TCHP: variants seen among roughly 807,000 people sequenced by gnomAD.
TCHP encodes the protein trichoplein keratin filament binding.
Under a neutral mutation model 88.7 loss-of-function variants are expected in TCHP, and 81 were observed. That is an observed-to-expected ratio of 0.91 (90% CI 0.76 to 1.10). TCHP has a LOEUF of 1.10. TCHP is among the 50% of genes least tolerant of loss of function. The pLI is 0.00. For synonymous variants in TCHP, 232 were observed against 232.5 expected, an observed-to-expected ratio of 1.00 and a Z score of 0.02; for missense variants, 641 against 632.1, an observed-to-expected ratio of 1.01 and a Z score of -0.15.
At chr12:109,897,655 G>A (rs1306990695), upstream of TCHP, among the ~76,000 whole-genome samples, 4 of 151,820 alleles carry the variant, frequency 2.6e-5, no homozygotes, top group African/African-American at 9.7e-5. Flanking sequence ...CTGCCACCTG[G>A]GTTCAAGTGA....
intron 10 of TCHP, 77 bp downstream of exon 10, chr12:109,913,149 G>C: frequency 5.2e-6 from 7 of 1,346,462 alleles, no homozygotes; most frequent in South Asian, 1.2e-5. Context: ...CAGTCACCCT[G>C]CCAGATGCTC....
chr12:109,903,353 ATGG>A lies in TCHP; in HGVS notation c.188+140_188+142del. 4 of 769,342 alleles carry A rather than the reference ATGG, an allele frequency of 5.2e-6. No homozygotes were observed. Among genetic ancestry groups the A allele is most frequent in the African/African-American group, 1.7e-5 (1 of 57,496 alleles). 47.7% of individuals were successfully genotyped at this position (769,342 alleles called of 1,614,324 possible). A position where few individuals can be genotyped will look rare whatever the true frequency, so the allele number is the denominator to read the frequency against. ...CATGGTGATGTTTTTCCAGCTGGAA[ATGG>A]AAAAAAAGATCATCAGTGCAGCCAT... On this transcript the variant is annotated intron_variant, in intron 2 of 12. Coordinates refer to ENST00000405876, the MANE Select transcript of TCHP (RefSeq NM_001143852.2). The surrounding 1 kb of genome is among the most constrained non-coding windows in gnomAD (Gnocchi z 4.6).
At chr12:109,883,141 C>A in the TCHP span, among the ~76,000 whole-genome samples, 1 of 149,846 alleles carries the variant, frequency 6.7e-6, no homozygotes, top group Non-Finnish European at 1.5e-5. Flanking sequence ...TCAAGGGATT[C>A]TCCCGCCTCA....
At chr12:109,912,679 T>C (rs1261046847) in intron 9 of TCHP, among the ~76,000 whole-genome samples, 9 of 152,060 alleles carry the variant, frequency 5.9e-5, no homozygotes, top group Non-Finnish European at 1.0e-4. Flanking sequence ...TAATCCCAGC[T>C]ACTCAGGAGA....
chr12:109,887,409 CAA>C, the TCHP span, among the ~76,000 whole-genome samples: 2 of 80,124 alleles, frequency 2.5e-5, no homozygotes. Context: ...GGCTCTGTCT[CAA>C]AAAAAAAAAA....
chr12:109,886,804 G>A, the TCHP span, among the ~76,000 whole-genome samples: 1 of 151,988 alleles, frequency 6.6e-6, no homozygotes, highest in African/African-American at 2.4e-5. Context: ...CACCTCCCGG[G>A]TTCAAGCAAT....
At position 109,907,401 on chromosome 12, in the gene TCHP, C is replaced by T. The variant is rs1870202044; in HGVS notation, c.526-125C>T. ...CCCTCCCTGACTTGGCGTCTGAGGG[C>T]GTTGTCATTTGGGATTCAGGCAGGA... On this transcript the variant is annotated intron_variant, in intron 5 of 12. Coordinates refer to ENST00000405876, the MANE Select transcript of TCHP (RefSeq NM_001143852.2). The T allele has an allele frequency of 1.8e-5, 17 of 935,840 alleles. No individual in the cohort carries two copies. The East Asian group carries it at 2.4e-4, about 13-fold the overall frequency. 58.0% of individuals were successfully genotyped at this position (935,840 alleles called of 1,614,324 possible). A position where few individuals can be genotyped will look rare whatever the true frequency, so the allele number is the denominator to read the frequency against.
intron 5 of TCHP, 92 bp from the exon 6 acceptor site, chr12:109,907,432 CTG>C (rs1244524009): frequency 7.5e-7 from 1 of 1,329,446 alleles, no homozygotes; most frequent in East Asian, 2.3e-5. Context: ...CAGGAACTGC[CTG>C]GGCCCTGTGG....
chr12:109,888,488 T>G, the TCHP span: 1 of 152,168 alleles, frequency 6.6e-6, no homozygotes, highest in Non-Finnish European at 1.5e-5. Flanking sequence ...CTGCAAAGTT[T>G]CGTCATTTTC....
chr12:109,890,813 C>A, the TCHP span, among the ~76,000 whole-genome samples: 881 of 152,230 alleles, frequency 5.8e-3, 5 homozygotes, highest in African/African-American at 0.02. Context: ...CTCAGCTGAC[C>A]TTTTTCATTC....
rs372834815 is a variant in TCHP, at chr12:109,906,527, A to G, written c.457-45A>G. The G allele has an allele frequency of 1.7e-5, 27 of 1,596,238 alleles. No homozygotes were observed. The African/African-American group carries it at 3.5e-4, about 21-fold the overall frequency. ...GGAGCACACTGTCCCCACAGTGCCC[A>G]TCTGTCTGGTGAGGAAATTCACATC... On this transcript the variant is annotated intron_variant, in intron 4 of 12. Coordinates refer to ENST00000405876, the MANE Select transcript of TCHP (RefSeq NM_001143852.2).
intron 9 of TCHP, among the ~76,000 whole-genome samples, chr12:109,911,942 C>A (rs1423701201): frequency 1.3e-5 from 2 of 151,870 alleles, no homozygotes; most frequent in Admixed American, 1.3e-4. Flanking sequence ...ATTACAGGCG[C>A]CCGCCACCAC....
At chr12:109,906,745 G>GTACACTACACTCCTTAAC in intron 5 of TCHP, 105 bp downstream of exon 5, 1 of 899,942 alleles carries the variant, frequency 1.1e-6, no homozygotes, top group Non-Finnish European at 1.8e-6. Flanking sequence ...CAGTTAAGGA[G>GTACACTACACTCCTTAAC]TGTAGTGTAC....
At chr12:109,893,712 G>A in the TCHP span, among the ~76,000 whole-genome samples, 3 of 152,208 alleles carry the variant, frequency 2.0e-5, no homozygotes, top group Non-Finnish European at 4.4e-5. Context: ...TTGAGTTCAG[G>A]TGTGTTGGTC....
At chr12:109,882,762 A>G in the TCHP span, among the ~76,000 whole-genome samples, 2 of 149,856 alleles carry the variant, frequency 1.3e-5, no homozygotes, top group East Asian at 2.0e-4. Flanking sequence ...GGTTCAGGCA[A>G]TTCTCTGCCT....
chr12:109,905,326 TAGTG>T lies in TCHP; in HGVS notation c.456+536_456+539del, dbSNP rs1229348039. 7.9e-5 allele frequency among the ~76,000 whole-genome samples: 12 copies of T among 152,228 alleles called. No homozygotes were observed. Among genetic ancestry groups the T allele is most frequent in the South Asian group, 4.1e-4 (2 of 4,824 alleles). On this transcript the variant is annotated intron_variant, in intron 4 of 12. Coordinates refer to ENST00000405876, the MANE Select transcript of TCHP (RefSeq NM_001143852.2). This position sits in a 1 kb window ranked among gnomAD's most constrained non-coding sequence, Gnocchi z 4.0. ...GTCTGGGTGAGGCTAGGATGTCAGA[TAGTG>T]AGGGAGAACCCCAAGAAATGACGCT...
the TCHP span, among the ~76,000 whole-genome samples, chr12:109,885,488 T>C: frequency 1.3e-5 from 2 of 148,390 alleles, no homozygotes; most frequent in Non-Finnish European, 3.0e-5. Flanking sequence ...GTTTTTTTTT[T>C]TTTTTTTTTT....
chr12:109,902,698 A>T (rs1869874009), intron 1 of TCHP, among the ~76,000 whole-genome samples: 1 of 151,708 alleles, frequency 6.6e-6, no homozygotes, highest in African/African-American at 2.4e-5. Flanking sequence ...CTGGTCTCGA[A>T]CTCCTGACCT....
chr12:109,906,711 T>G, intron 5 of TCHP, 71 bp downstream of exon 5: 1 of 1,350,692 alleles, frequency 7.4e-7, no homozygotes, highest in South Asian at 1.2e-5. Context: ...TGCATTCGTT[T>G]ACCGTTTTCA....
Sources: allele counts gnomAD v4.1 joint callset (sites outside exome capture counted in the v4.1 genomes callset), GRCh38; gene constraint gnomAD v4.1.1; non-coding constraint Gnocchi (gnomAD v3.1); transcripts MANE v1.5; gene names NCBI Gene and HGNC (gene_info 2026-07-23, HGNC 2026-07-21).